The following ST8SIA6 variants were observed in gnomAD, a reference collection of about 807,000 sequenced individuals.
The protein encoded by ST8SIA6 is alpha-2,8-sialyltransferase 8F.
ST8SIA6 carries 39 observed loss-of-function variants against 33.6 expected under a neutral mutation model. The observed-to-expected ratio is 1.16, with a 90% CI of 0.90 to 1.52. The LOEUF is 1.52. ST8SIA6 is among the 40% of genes most tolerant of loss of function. The pLI is 0.00. For missense variants in ST8SIA6, 441 were observed against 443.8 expected, an observed-to-expected ratio of 0.99 and a Z score of 0.06; for synonymous variants, 172 against 167.2, an observed-to-expected ratio of 1.03 and a Z score of -0.22.
intron 4 of ST8SIA6, among the ~76,000 whole-genome samples, chr10:17,340,492 A>G (rs1424947595): frequency 6.6e-6 from 1 of 152,192 alleles, no homozygotes; most frequent in African/African-American, 2.4e-5. Context: ...TGTGCGGTCC[A>G]AACCCAGCCA....
intron 2 of ST8SIA6, among the ~76,000 whole-genome samples, chr10:17,393,332 A>G (rs1276237692): frequency 6.6e-6 from 1 of 152,076 alleles, no homozygotes; most frequent in East Asian, 1.9e-4. Flanking sequence ...CTCGTAATAA[A>G]TCTCTTGCTA....
chr10:17,453,835 C>T (rs1159647448), intron 1 of ST8SIA6, among the ~76,000 whole-genome samples, 178 bp from the exon 2 acceptor site: 1 of 152,202 alleles, frequency 6.6e-6, no homozygotes, highest in East Asian at 1.9e-4. Flanking sequence ...CAGCAAGGAC[C>T]AGAATGGGGA....
intron 3 of ST8SIA6, among the ~76,000 whole-genome samples, chr10:17,370,090 T>C (rs10795481): frequency 0.19 from 28,838 of 151,758 alleles, 3,115 homozygotes; most frequent in East Asian, 0.5. Flanking sequence ...ACGCCATTCT[T>C]CTGCCTCAGC....
At chr10:17,368,864 T>A (rs1849645508) in intron 3 of ST8SIA6, among the ~76,000 whole-genome samples, 1 of 152,078 alleles carries the variant, frequency 6.6e-6, no homozygotes, top group African/African-American at 2.4e-5. Context: ...ATGAATCCAG[T>A]CATGAAGGTG....
At chr10:17,352,829 A>G (rs1460979960) in intron 4 of ST8SIA6, among the ~76,000 whole-genome samples, 2 of 152,116 alleles carry the variant, frequency 1.3e-5, no homozygotes, top group Non-Finnish European at 2.9e-5. Context: ...GCTGTATGGT[A>G]ATGACAAATA....
At chr10:17,394,947 T>C (rs992541136) in intron 2 of ST8SIA6, among the ~76,000 whole-genome samples, 3 of 152,170 alleles carry the variant, frequency 2.0e-5, no homozygotes, top group Non-Finnish European at 4.4e-5. Context: ...TGGGCTGATT[T>C]GTAAGCCCAG....
intron 4 of ST8SIA6, among the ~76,000 whole-genome samples, chr10:17,347,118 T>A (rs1191165472): frequency 6.6e-6 from 1 of 152,230 alleles, no homozygotes; most frequent in African/African-American, 2.4e-5. Context: ...GTCAATTGAT[T>A]GTTGACGTTA....
chr10:17,369,474 T>TA (rs1166118748), intron 3 of ST8SIA6, among the ~76,000 whole-genome samples: 1 of 152,124 alleles, frequency 6.6e-6, no homozygotes, highest in African/African-American at 2.4e-5. Context: ...GTACTGCATT[T>TA]AAAAAAATGA....
intron 2 of ST8SIA6, among the ~76,000 whole-genome samples, chr10:17,395,494 G>A (rs1269682148): frequency 6.6e-6 from 1 of 152,100 alleles, no homozygotes; most frequent in Non-Finnish European, 1.5e-5. Flanking sequence ...CTGAAGCCAG[G>A]CTCTTACAGG....
chr10:17,347,690 C>T (rs1469252534), intron 4 of ST8SIA6, among the ~76,000 whole-genome samples: 3 of 152,064 alleles, frequency 2.0e-5, no homozygotes, highest in Non-Finnish European at 2.9e-5. Context: ...GCAAGAGTGT[C>T]CTTTGCCTGC....
chr10:17,401,781 C>G (rs1317078605), intron 2 of ST8SIA6, among the ~76,000 whole-genome samples: 1 of 152,144 alleles, frequency 6.6e-6, no homozygotes, highest in Non-Finnish European at 1.5e-5. Flanking sequence ...AAAATTAATT[C>G]AAGATGGATT....
Position 17,331,555 on chromosome 10 carries a change from G to C in ST8SIA6, c.378-3C>G, listed in dbSNP as rs769818507. The stretch of plus-strand genomic sequence containing the variant: ...CACAGCAGGAAGCAAGTTTGGCTCT[G>C]CAAAGGAAAAGGATGAAAAGGAAGC... On this transcript the variant is annotated splice_polypyrimidine_tract_variant and splice_region_variant and intron_variant, in intron 4 of 7. Coordinates refer to ENST00000377602, the MANE Select transcript of ST8SIA6 (RefSeq NM_001004470.3). 10 of 1,601,410 alleles carry C rather than the reference G, an allele frequency of 6.2e-6. No individual in the cohort carries two copies. In the South Asian group the frequency reaches 1.1e-4, roughly 18 times the overall value.
intron 2 of ST8SIA6, among the ~76,000 whole-genome samples, chr10:17,415,134 AATT>A (rs1313487258): frequency 1.3e-5 from 2 of 152,048 alleles, no homozygotes; most frequent in Admixed American, 6.6e-5. Flanking sequence ...TTCTCTAACA[AATT>A]ATCTAAAATT....
intron 3 of ST8SIA6, 67 bp downstream of exon 3, chr10:17,390,464 C>G: frequency 2.2e-6 from 3 of 1,341,114 alleles, no homozygotes; most frequent in Non-Finnish European, 3.2e-6. Context: ...TTCAGAGACA[C>G]TGTCAGACAT....
At chr10:17,391,271 A>ATTTG (rs1271892638) in intron 2 of ST8SIA6, among the ~76,000 whole-genome samples, 4 of 150,194 alleles carry the variant, frequency 2.7e-5, no homozygotes. Flanking sequence ...TTATTTATTT[A>ATTTG]TTTATTTTTT....
Position 17,317,637 on chromosome 10 carries a change from C to T in ST8SIA6, c.*3241G>A, listed in dbSNP as rs992540720. On this transcript the variant is annotated 3_prime_UTR_variant, in exon 8 of 8. Coordinates refer to ENST00000377602, the MANE Select transcript of ST8SIA6 (RefSeq NM_001004470.3). ...TGGACCTGTTTTCCACAAAATTTTC[C>T]ACTTTTCCCAAAGCTTCCTAATTCA... 7.2e-5 allele frequency among the ~76,000 whole-genome samples: 11 copies of T among 152,144 alleles called. No individual in the cohort carries two copies. The highest frequency in any genetic ancestry group is 2.7e-4 in the African/African-American group (11 of 41,436).
chr10:17,327,156 A>C (rs1233283151), intron 5 of ST8SIA6, 30 bp from the exon 6 acceptor site: 2 of 1,521,124 alleles, frequency 1.3e-6, no homozygotes, highest in South Asian at 2.3e-5. Flanking sequence ...AACTACCATG[A>C]AATACCGTTA....
intron 3 of ST8SIA6, among the ~76,000 whole-genome samples, chr10:17,374,071 CCACACACACA>C (rs58234998): frequency 0.01 from 1,391 of 139,092 alleles, 24 homozygotes; most frequent in South Asian, 0.042. Flanking sequence ...TCAACAACCA[CCACACACACA>C]CACACACACA....
chr10:17,410,468 C>G (rs1157118448), intron 2 of ST8SIA6: 2 of 152,080 alleles, frequency 1.3e-5, no homozygotes, highest in Non-Finnish European at 2.9e-5. Context: ...ATAACCCACG[C>G]TTTGTAAGAC....
Sources: gnomAD v4.1 joint callset for allele counts (sites outside exome capture counted in the v4.1 genomes callset) on GRCh38, gnomAD v4.1.1 for gene constraint, MANE v1.5 for transcripts, NCBI Gene and HGNC (gene_info 2026-07-23, HGNC 2026-07-21) for gene names.